CBR4: variants seen among roughly 807,000 people sequenced by gnomAD.
The protein encoded by CBR4 is carbonyl reductase 4.
Under a neutral mutation model 21.0 loss-of-function variants are expected in CBR4, and 22 were observed. The ratio of observed to expected loss-of-function variants is 1.05; its 90% confidence interval spans 0.75 to 1.50. The LOEUF (loss-of-function observed/expected upper bound fraction) is 1.50, where lower values mean the gene tolerates loss of function less well. CBR4 is among the 40% of genes most tolerant of loss of function. The probability of loss-of-function intolerance (pLI) is 0.00; values close to 1 mark genes in which losing one functional copy is unlikely to be tolerated. For synonymous variants in CBR4, 100 were observed against 104.4 expected (o/e 0.96, Z 0.26); for missense variants, 302 against 286.3 (o/e 1.05, Z -0.40).
At chr4:168,928,967 T>C (rs1762869326) in intron 2 of CBR4, among the ~76,000 whole-genome samples, 1 of 152,162 alleles carries the variant, frequency 6.6e-6, no homozygotes, top group South Asian at 2.1e-4. Context: ...TAAATCGCCA[T>C]TTGATTGGAA....
chr4:168,901,896 T>C (rs148372028), intron 2 of CBR4, among the ~76,000 whole-genome samples: 1,531 of 152,274 alleles, frequency 0.01, 13 homozygotes, highest in Non-Finnish European at 0.018. Flanking sequence ...AAAATAATTA[T>C]GAAGTATGAT....
rs1764782011 is a variant in CBR4 at position 168,988,791 on chromosome 4, A to AC, written c.*1358dup. On this transcript the variant is annotated 3_prime_UTR_variant, in exon 5 of 5. Transcript: ENST00000306193. Reference sequence around the variant, plus strand: ...ATAAATTTAAAATAATTTTTAAGGAACCCAGAATTTTTATTTAGAACACTG... The same window carrying AC: ...ATAAATTTAAAATAATTTTTAAGGAACCCCAGAATTTTTATTTAGAACACTG... The AC allele has an allele frequency of 1.0e-6, 1 of 955,346 alleles. No individual in the cohort carries two copies. The highest frequency in any genetic ancestry group is 1.2e-4 in the East Asian group (1 of 8,672). The allele number at this position is 955,346 out of a possible 1,614,324, so 59.2% of individuals were successfully genotyped here. A position where few individuals can be genotyped will look rare whatever the true frequency, so the allele number is the denominator to read the frequency against.
chr4:168,931,167 T>C (rs930351339), intron 2 of CBR4, among the ~76,000 whole-genome samples: 2 of 152,164 alleles, frequency 1.3e-5, no homozygotes, highest in African/African-American at 2.4e-5. Context: ...TCCCAAAGCA[T>C]ACATACCTAC....
chr4:168,973,435 C>T (rs1349238301), intron 2 of CBR4, among the ~76,000 whole-genome samples: 1 of 152,224 alleles, frequency 6.6e-6, no homozygotes, highest in African/African-American at 2.4e-5. Context: ...TCAAGCAATT[C>T]TCCTGCCTCA....
Position 168,966,790 on chromosome 4 carries a change from G to A in CBR4, n.169+35281C>T, listed in dbSNP as rs986248846. Among the ~76,000 whole-genome samples, 12 of 152,166 alleles carry A rather than the reference G, an allele frequency of 7.9e-5. No individual in the cohort carries two copies. In the East Asian group the frequency reaches 9.7e-4, roughly 12 times the overall value. On this transcript the variant is annotated intron_variant and non_coding_transcript_variant, in intron 2 of 3. Coordinates refer to the CBR4 transcript ENST00000509108. ...TCCCAGCACTTTGGGAGGCCGAGGCGGGCGGATCACAAGGTCAGGAGATCA... is the reference window on the plus strand; with the variant it reads ...TCCCAGCACTTTGGGAGGCCGAGGCAGGCGGATCACAAGGTCAGGAGATCA...
intron 2 of CBR4, among the ~76,000 whole-genome samples, chr4:168,967,644 A>T (rs1442363359): frequency 6.6e-6 from 1 of 152,220 alleles, no homozygotes; most frequent in Non-Finnish European, 1.5e-5. Flanking sequence ...ATGGTGGTGA[A>T]GGAAAGTCCC....
At chr4:168,953,386 T>C (rs1046348734) in intron 2 of CBR4, among the ~76,000 whole-genome samples, 1 of 152,166 alleles carries the variant, frequency 6.6e-6, no homozygotes, top group Non-Finnish European at 1.5e-5. Flanking sequence ...ACAGTAGATT[T>C]AGAGGCTTAA....
intron 2 of CBR4, among the ~76,000 whole-genome samples, chr4:168,942,365 C>T (rs546979457): frequency 1.3e-5 from 2 of 151,428 alleles, no homozygotes; most frequent in South Asian, 2.1e-4. Context: ...TAAACTTGCA[C>T]GTTCTGCACA....
chr4:168,993,834 A>G (rs1765045714), intron 4 of CBR4, among the ~76,000 whole-genome samples: 1 of 152,178 alleles, frequency 6.6e-6, no homozygotes, highest in African/African-American at 2.4e-5. Flanking sequence ...CCCAGGCTCA[A>G]CTTCTGACTC....
intron 1 of CBR4, among the ~76,000 whole-genome samples, chr4:169,008,448 T>C (rs1020546307): frequency 6.6e-6 from 1 of 152,258 alleles, no homozygotes; most frequent in African/African-American, 2.4e-5. Context: ...TTTAATACTC[T>C]AAAATGTAGG....
At chr4:168,930,391 G>A (rs1334448535) in intron 2 of CBR4, among the ~76,000 whole-genome samples, 1 of 151,910 alleles carries the variant, frequency 6.6e-6, no homozygotes, top group Non-Finnish European at 1.5e-5. Flanking sequence ...AGTAGAAGAA[G>A]GAACAAAACT....
downstream of CBR4, among the ~76,000 whole-genome samples, chr4:168,985,640 T>A (rs1578982615): frequency 6.6e-6 from 1 of 151,960 alleles, no homozygotes; most frequent in Admixed American, 6.6e-5. Flanking sequence ...TAGATCCCCA[T>A]CAATAGTGGA....
At chr4:168,918,802 A>T (rs1760800839) in intron 2 of CBR4, among the ~76,000 whole-genome samples, 1 of 152,218 alleles carries the variant, frequency 6.6e-6, no homozygotes, top group Admixed American at 6.5e-5. Flanking sequence ...TCAATTAAAA[A>T]ACACTTAAAA....
Position 169,002,070 on chromosome 4 carries a change from C to A in CBR4, c.535+1G>T. Reference sequence around the variant, plus strand: ...GTTATTTTAATAAAGTTTTCACTAACCTGGTGCAACTACATTCACTCTAAT... The same window carrying A: ...GTTATTTTAATAAAGTTTTCACTAAACTGGTGCAACTACATTCACTCTAAT... On this transcript the variant is annotated splice_donor_variant, in intron 4 of 4. Coordinates refer to ENST00000306193, the MANE Select transcript of CBR4 (RefSeq NM_032783.5). LOFTEE classifies it high-confidence loss of function. The A allele has an allele frequency of 6.4e-7, 1 of 1,569,886 alleles. No individual in the cohort carries two copies. Among genetic ancestry groups the A allele is most frequent in the Non-Finnish European group, 8.6e-7 (1 of 1,162,182 alleles).
At chr4:168,939,095 T>G (rs1763189982) in intron 2 of CBR4, among the ~76,000 whole-genome samples, 1 of 152,102 alleles carries the variant, frequency 6.6e-6, no homozygotes, top group Admixed American at 6.6e-5. Context: ...AAAGCTTATC[T>G]ACCACGATCA....
intron 2 of CBR4, among the ~76,000 whole-genome samples, chr4:168,896,208 C>A (rs370845963): frequency 2.1e-3 from 283 of 132,016 alleles, no homozygotes; most frequent in East Asian, 3.5e-3. Context: ...GACTCCATCT[C>A]AAAAAAAAAA....
At chr4:168,912,548 G>A (rs936252974) in intron 2 of CBR4, among the ~76,000 whole-genome samples, 5 of 152,178 alleles carry the variant, frequency 3.3e-5, no homozygotes, top group Admixed American at 1.3e-4. Context: ...AGTATTACTT[G>A]TCTGTTCACA....
chr4:169,003,294 G>C (rs771013723), intron 3 of CBR4, among the ~76,000 whole-genome samples: 9 of 152,202 alleles, frequency 5.9e-5, no homozygotes, highest in Non-Finnish European at 1.0e-4. Flanking sequence ...TTTGAAAGAA[G>C]TTATTTTAAC....
intron 2 of CBR4, among the ~76,000 whole-genome samples, chr4:168,902,232 A>G (rs10026602): frequency 0.68 from 103,798 of 152,120 alleles, 37,088 homozygotes; most frequent in East Asian, 0.96. Flanking sequence ...TGTTTTAACA[A>G]CTAAAGGGTC....
Sources: gnomAD v4.1 joint callset for allele counts (sites outside exome capture counted in the v4.1 genomes callset) on GRCh38, gnomAD v4.1.1 for gene constraint, MANE v1.5 for transcripts, NCBI Gene and HGNC (gene_info 2026-07-23, HGNC 2026-07-21) for gene names.